Variants in NBPF9 observed in about 807,000 individuals in gnomAD.
NBPF9 encodes the protein NBPF family member NBPF9.
Under a neutral mutation model 97.8 loss-of-function variants are expected in NBPF9, and 91 were observed. The observed-to-expected ratio is 0.93, with a 90% CI of 0.79 to 1.11. The LOEUF (loss-of-function observed/expected upper bound fraction) is 1.11. Ranked by LOEUF, NBPF9 falls within the 50% of genes least tolerant of loss-of-function variation. The pLI is 0.00. For missense variants in NBPF9, 992 were observed against 939.5 expected (o/e 1.06, Z -0.73); for synonymous variants, 334 against 359.5 (o/e 0.93, Z 0.80).
At chr1:149,101,743 G>A (rs2082156584) in intron 2 of NBPF9, among the ~76,000 whole-genome samples, 1 of 151,998 alleles carries the variant, frequency 6.6e-6, no homozygotes, top group Admixed American at 6.5e-5. Context: ...GGGGTAACCA[G>A]AATATCCCTG....
intron 9 of NBPF9, among the ~76,000 whole-genome samples, chr1:149,078,654 A>G (rs2080119212): frequency 7.1e-6 from 1 of 140,748 alleles, no homozygotes; most frequent in Non-Finnish European, 1.6e-5. Flanking sequence ...CTTACTAAGA[A>G]CATTGCCAAA....
intron 11 of NBPF9, among the ~76,000 whole-genome samples, chr1:149,076,893 C>T (rs1553654508): frequency 1.3e-5 from 2 of 151,640 alleles, no homozygotes; most frequent in African/African-American, 4.8e-5. Flanking sequence ...AGGATCATCT[C>T]AGCCCATCCT....
chr1:149,101,178 G>A (rs1270112317), intron 3 of NBPF9, 84 bp downstream of exon 3: 2 of 151,730 alleles, frequency 1.3e-5, no homozygotes, highest in African/African-American at 4.8e-5. Context: ...CCCGAGCCTA[G>A]GAATTCCAGA....
intron 7 of NBPF9, among the ~76,000 whole-genome samples, chr1:149,081,756 C>T (rs1307539180): frequency 3.0e-5 from 4 of 133,536 alleles, no homozygotes; most frequent in Non-Finnish European, 6.3e-5. Flanking sequence ...ACTCTAGTCC[C>T]ACCCCCATCT....
exon 20 of NBPF9, chr1:149,063,650 A>C: frequency 1.6e-6 from 1 of 620,408 alleles, no homozygotes; most frequent in South Asian, 1.9e-5. Flanking sequence ...GTCAACAGCC[A>C]AGCCAACACG....
chr1:149,076,233 T>C (rs2079857994), intron 11 of NBPF9, among the ~76,000 whole-genome samples: 1 of 151,510 alleles, frequency 6.6e-6, no homozygotes, highest in African/African-American at 2.4e-5. Context: ...AGTCTCACTC[T>C]GTCACGCAGG....
intron 4 of NBPF9, among the ~76,000 whole-genome samples, chr1:149,097,633 G>C (rs1457570282): frequency 6.6e-6 from 1 of 152,262 alleles, no homozygotes; most frequent in South Asian, 2.1e-4. Flanking sequence ...ACGGCCACGT[G>C]AGAAGGATAC....
In NBPF9 at chr1:149,062,174, G is replaced by A. The variant is rs781905999; in HGVS notation, c.2170C>T (p.Leu724=). Residue 724 remains leucine, a synonymous_variant, in exon 22 of 30, where the codon CTG becomes TTG. Coordinates refer to ENST00000584027, the Ensembl canonical transcript of NBPF9. ...CTGTAGGGCTGGCCTAAGTCAGGCAGTTCAAGATAACCTGAAGGAGTCGAA... is the reference window on the plus strand; with the variant it reads ...CTGTAGGGCTGGCCTAAGTCAGGCAATTCAAGATAACCTGAAGGAGTCGAA... The A allele has an allele frequency of 8.8e-6, 8 of 906,838 alleles. 1 individual carries two copies. In the East Asian group the frequency reaches 1.2e-4, roughly 14 times the overall value. 56.2% of individuals were successfully genotyped at this position (906,838 alleles called of 1,614,324 possible). A position where few individuals can be genotyped will look rare whatever the true frequency, so the allele number is the denominator to read the frequency against.
chr1:149,100,629 C>A (rs1334375897), intron 3 of NBPF9, among the ~76,000 whole-genome samples: 1 of 152,008 alleles, frequency 6.6e-6, no homozygotes, highest in African/African-American at 2.4e-5. Flanking sequence ...GCAGACACAT[C>A]CATGTAGTAA....
At chr1:149,084,699 C>T (rs1259565690) in intron 5 of NBPF9, among the ~76,000 whole-genome samples, 2 of 151,576 alleles carry the variant, frequency 1.3e-5, no homozygotes, top group Non-Finnish European at 2.9e-5. Flanking sequence ...GGGCCGCCGT[C>T]CCAGGGAAAA....
intron 5 of NBPF9, among the ~76,000 whole-genome samples, chr1:149,084,313 A>G (rs1456653112): frequency 6.8e-6 from 1 of 147,904 alleles, no homozygotes; most frequent in African/African-American, 2.5e-5. Context: ...ACACGTATAT[A>G]TAATATATAC....
At chr1:149,081,562 G>T (rs1487897795) in intron 7 of NBPF9, among the ~76,000 whole-genome samples, 26 of 152,082 alleles carry the variant, frequency 1.7e-4, no homozygotes, top group Non-Finnish European at 2.8e-4. Context: ...TGCCTCTTGG[G>T]CCTCAACGGA....
At chr1:149,079,668 CATTG>C (rs1214106726) in intron 8 of NBPF9, among the ~76,000 whole-genome samples, 2 of 150,792 alleles carry the variant, frequency 1.3e-5, no homozygotes, top group African/African-American at 4.9e-5. Flanking sequence ...GAGAAGGCAA[CATTG>C]ATTGAGTGAA....
intron 23 of NBPF9, 142 bp from the exon 24 acceptor site, chr1:149,060,837 T>A: frequency 2.4e-6 from 1 of 414,454 alleles, no homozygotes; most frequent in Non-Finnish European, 4.1e-6. Flanking sequence ...ATTATTGCCT[T>A]CATGTTGGGA....
Position 149,068,973 on chromosome 1 carries a change from C to G in NBPF9, c.1637+621G>C, listed in dbSNP as rs587601003. ...AGAACTCAGGATTAAGAAACTCACT[C>G]AAAACCGCACAACTACATGGAAACT... On this transcript the variant is annotated intron_variant, in intron 17 of 29. Transcript: ENST00000584027. Among the ~76,000 whole-genome samples, 68 of 152,252 alleles carry G rather than the reference C, an allele frequency of 4.5e-4. 1 individual carries two copies. Among genetic ancestry groups the G allele is most frequent in the Non-Finnish European group, 2.1e-4 (14 of 68,036 alleles).
intron 7 of NBPF9, among the ~76,000 whole-genome samples, chr1:149,081,105 TTTTGA>T (rs2152907852): frequency 6.6e-6 from 1 of 152,176 alleles, no homozygotes; most frequent in East Asian, 1.9e-4. Context: ...TTATTTTTAT[TTTTGA>T]TTTATTTATC....
intron 14 of NBPF9, among the ~76,000 whole-genome samples, 192 bp downstream of exon 14, chr1:149,072,526 T>A (rs782475274): frequency 6.6e-6 from 1 of 152,094 alleles, no homozygotes; most frequent in Non-Finnish European, 1.5e-5. Context: ...GAGGGACACT[T>A]GCAATAATGT....
chr1:149,064,286 T>C (rs1370345618), intron 19 of NBPF9, 145 bp downstream of exon 19: 3 of 727,498 alleles, frequency 4.1e-6, no homozygotes, highest in Non-Finnish European at 6.9e-6. Flanking sequence ...TTTACTCTAA[T>C]GAGAACCAAA....
intron 10 of NBPF9, among the ~76,000 whole-genome samples, 178 bp downstream of exon 10, chr1:149,077,705 G>A (rs1283351547): frequency 6.6e-6 from 1 of 152,002 alleles, no homozygotes; most frequent in Admixed American, 6.6e-5. Context: ...CATGACACTT[G>A]GCACACATAG....
Sources: allele counts gnomAD v4.1 joint callset (sites outside exome capture counted in the v4.1 genomes callset), GRCh38; gene constraint gnomAD v4.1.1; transcripts MANE v1.5; gene names NCBI Gene and HGNC (gene_info 2026-07-23, HGNC 2026-07-21).